Variants in DUSP29 observed in about 807,000 individuals in gnomAD.
DUSP29 encodes the protein dual specificity phosphatase 29.
Under a neutral mutation model 13.5 loss-of-function variants are expected in DUSP29, and 12 were observed. The observed-to-expected ratio is 0.89, with a 90% confidence interval of 0.57 to 1.44. DUSP29 has a LOEUF of 1.44. Ranked by LOEUF, DUSP29 falls within the 40% of genes most tolerant of loss-of-function variation. The pLI, the probability that DUSP29 is intolerant of heterozygous loss-of-function variation, is 0.00. For synonymous variants in DUSP29, 134 were observed against 128.7 expected (o/e 1.04, Z -0.28); for missense variants, 308 against 301.1 (o/e 1.02, Z -0.17).
At chr10:75,048,865 G>T (rs1846762269) in intron 2 of DUSP29, among the ~76,000 whole-genome samples, 1 of 152,212 alleles carries the variant, frequency 6.6e-6, no homozygotes, top group South Asian at 2.1e-4. Context: ...AAAACATAGG[G>T]CTGACAGCTG....
chr10:75,072,728 C>G (rs1315699256), intron 1 of DUSP29, among the ~76,000 whole-genome samples: 2 of 152,058 alleles, frequency 1.3e-5, no homozygotes, highest in African/African-American at 4.8e-5. Context: ...CGTGCCCTTC[C>G]TCCTGTTCGC....
At chr10:75,063,345 C>G (rs944390911) in intron 1 of DUSP29, among the ~76,000 whole-genome samples, 1 of 151,924 alleles carries the variant, frequency 6.6e-6, no homozygotes, top group African/African-American at 2.4e-5. Context: ...GCCTCCTCAG[C>G]TCAAGTCACT....
chr10:75,037,735 A>G lies in DUSP29; in HGVS notation c.*101T>C. ...TGAACAAGATGGTTTGGAAGAGTCG[A>G]GCTTCGGTTTCACCATCCCTTCTCT... On this transcript the variant is annotated 3_prime_UTR_variant, in exon 4 of 4. Coordinates refer to ENST00000338487, the MANE Select transcript of DUSP29 (RefSeq NM_001003892.3). The G allele has an allele frequency of 1.3e-6, 2 of 1,498,300 alleles. No homozygotes were observed. Among genetic ancestry groups the G allele is most frequent in the Admixed American group, 4.2e-5 (2 of 47,630 alleles). 92.8% of individuals were successfully genotyped at this position (1,498,300 alleles called of 1,614,324 possible).
intron 2 of DUSP29, among the ~76,000 whole-genome samples, chr10:75,050,069 G>A (rs1184575487): frequency 6.6e-6 from 1 of 152,212 alleles, no homozygotes; most frequent in Non-Finnish European, 1.5e-5. Context: ...CACCCGCATT[G>A]TGGAGAGGGA....
At position 75,037,816 on chromosome 10, in the gene DUSP29, G is replaced by T; in HGVS notation, c.*20C>A. The T allele has an allele frequency of 6.3e-7, 1 of 1,590,774 alleles. No individual in the cohort carries two copies. Among genetic ancestry groups the T allele is most frequent in the Non-Finnish European group, 8.6e-7 (1 of 1,168,884 alleles). On this transcript the variant is annotated 3_prime_UTR_variant, in exon 4 of 4. Coordinates refer to ENST00000338487, the MANE Select transcript of DUSP29 (RefSeq NM_001003892.3). ...CTCCCCTCTGTCCCCAAGTGCCTCTGCTGGCCCTGTGAGTCGGGCCTACAG... is the reference window on the plus strand; with the variant it reads ...CTCCCCTCTGTCCCCAAGTGCCTCTTCTGGCCCTGTGAGTCGGGCCTACAG...
intron 2 of DUSP29, among the ~76,000 whole-genome samples, chr10:75,048,329 CTT>C (rs530809657): frequency 7.1e-6 from 1 of 140,748 alleles, no homozygotes. Flanking sequence ...ATGCAGTTTA[CTT>C]TTTTTTTTTG....
chr10:75,058,409 G>A lies in DUSP29; in HGVS notation c.106C>T (p.Pro36Ser), dbSNP rs200149899. The A allele has an allele frequency of 1.1e-4, 180 of 1,614,216 alleles. 2 individuals carry two copies. The East Asian group carries it at 3.9e-3, about 35-fold the overall frequency. Reference protein sequence around the residue: ...EEGEEEDYCTPGAFELERLFW... With the variant: ...EEGEEEDYCTSGAFELERLFW... ...AGCCGCTCCAGCTCAAAGGCTCCAG[G>A]GGTGCAGTAGTCCTCCTCCTCCCCT... is the stretch of plus-strand genomic sequence containing the variant. Residue 36 changes from proline to serine, a missense_variant, in exon 2 of 4, where the codon CCT (proline) becomes TCT (serine). Pro to Ser is a moderately conservative substitution (Grantham distance 74). Transcript: ENST00000338487.
intron 1 of DUSP29, among the ~76,000 whole-genome samples, chr10:75,065,168 C>G (rs1289605833): frequency 6.6e-6 from 1 of 152,080 alleles, no homozygotes; most frequent in Non-Finnish European, 1.5e-5. Context: ...TTTAAACAAA[C>G]AAACAAAAAA....
chr10:75,052,998 C>T (rs1846878082), intron 2 of DUSP29, among the ~76,000 whole-genome samples: 1 of 152,248 alleles, frequency 6.6e-6, no homozygotes, highest in African/African-American at 2.4e-5. Context: ...TCTTTTCTCT[C>T]TGCTGCAAGG....
chr10:75,053,238 C>T (rs1055112040), intron 2 of DUSP29, among the ~76,000 whole-genome samples: 1 of 152,224 alleles, frequency 6.6e-6, no homozygotes, highest in African/African-American at 2.4e-5. Flanking sequence ...AAGTGTACCA[C>T]ATTCATCCCC....
chr10:75,057,968 G>C (rs1490070663), intron 2 of DUSP29, among the ~76,000 whole-genome samples: 1 of 152,026 alleles, frequency 6.6e-6, no homozygotes, highest in Non-Finnish European at 1.5e-5. Flanking sequence ...TTGATGGCTG[G>C]GGTCCTGGCG....
chr10:75,043,939 G>T lies in DUSP29; in HGVS notation c.279C>A (p.Asn93Lys). ...HVLNAAHGRWNVDTGPDYYRD... is the reference protein window; with the variant it reads ...HVLNAAHGRWKVDTGPDYYRD... ...GGTAGTAGTCGGGCCCAGTGTCCAC[G>T]TTCCAGCGGCCGTGGGCCGCGTTCA... The change falls in exon 3 of 4, where the codon AAC becomes AAA. Residue 93 changes from asparagine (N) to lysine (K), a missense_variant. Physicochemically the swap from Asn to Lys is moderately conservative, Grantham distance 94 (BLOSUM62 0). Coordinates refer to ENST00000338487, the MANE Select transcript of DUSP29 (RefSeq NM_001003892.3). 6.2e-7 allele frequency: 1 copy of T among 1,613,712 alleles called. No homozygotes were observed. Among genetic ancestry groups the T allele is most frequent in the African/African-American group, 1.3e-5 (1 of 75,056 alleles).
intron 2 of DUSP29, among the ~76,000 whole-genome samples, chr10:75,049,699 G>T (rs942981026): frequency 6.6e-6 from 1 of 152,232 alleles, no homozygotes; most frequent in Non-Finnish European, 1.5e-5. Context: ...ATTCGTGCTC[G>T]GTGCCTTAAG....
At chr10:75,043,682 A>C in intron 3 of DUSP29, 115 bp downstream of exon 3, 1 of 986,726 alleles carries the variant, frequency 1.0e-6, no homozygotes, top group Non-Finnish European at 1.5e-6. Context: ...GGCGGAGCCT[A>C]GGCTAGGGGC....
chr10:75,050,768 C>G lies in DUSP29; in HGVS notation c.201-6751G>C, dbSNP rs937247421. On this transcript the variant is annotated intron_variant, in intron 2 of 3. Coordinates refer to ENST00000338487, the MANE Select transcript of DUSP29 (RefSeq NM_001003892.3). ...AATGAGTGGGGAGTGGGTGGCTACA[C>G]CTTGTGTGAAGAAGACTTCCCCCGA... Among the ~76,000 whole-genome samples the G allele has an allele frequency of 4.6e-5, 7 of 152,364 alleles. 1 individual carries two copies. The South Asian group carries it at 1.0e-3, about 23-fold the overall frequency.
intron 2 of DUSP29, among the ~76,000 whole-genome samples, chr10:75,049,784 G>A (rs1480901311): frequency 2.0e-5 from 3 of 152,132 alleles, no homozygotes; most frequent in African/African-American, 7.2e-5. Context: ...CACTTCCCAG[G>A]CTCTCAACGC....
intron 2 of DUSP29, among the ~76,000 whole-genome samples, chr10:75,047,062 A>G (rs777726901): frequency 3.3e-5 from 5 of 152,196 alleles, no homozygotes; most frequent in South Asian, 2.1e-4. Context: ...TGACACCTCC[A>G]TATCCACCAC....
At chr10:75,060,203 C>T (rs1299287662) in intron 1 of DUSP29, among the ~76,000 whole-genome samples, 1 of 152,108 alleles carries the variant, frequency 6.6e-6, no homozygotes, top group Non-Finnish European at 1.5e-5. Flanking sequence ...GGAGCAGTGG[C>T]TTATGCCTGT....
rs755922933 is a variant in DUSP29, at chr10:75,037,959, G to T, written c.540C>A (p.Asn180Lys). Residue 180 changes from asparagine (N) to lysine (K), a missense_variant, in exon 4 of 4, where the codon AAC becomes AAA. Physicochemically the swap from Asn to Lys is moderately conservative, Grantham distance 94 (BLOSUM62 0). Transcript: ENST00000338487. Reference sequence around the variant, plus strand: ...AGCCCCGGTTCGGGAGGACGCAGCGGTTCTTGGCCACTTGCTGGATGGCGT... The same window carrying T: ...AGCCCCGGTTCGGGAGGACGCAGCGTTTCTTGGCCACTTGCTGGATGGCGT... ...LVDAIQQVAKNRCVLPNRGFL... is the reference protein window; with the variant it reads ...LVDAIQQVAKKRCVLPNRGFL... The T allele has an allele frequency of 6.2e-7, 1 of 1,613,846 alleles. No individual in the cohort carries two copies. The highest frequency in any genetic ancestry group is 1.3e-5 in the African/African-American group (1 of 74,924).
Sources: gnomAD v4.1 joint callset for allele counts (sites outside exome capture counted in the v4.1 genomes callset) on GRCh38, gnomAD v4.1.1 for gene constraint, MANE v1.5 for transcripts, NCBI Gene and HGNC (gene_info 2026-07-23, HGNC 2026-07-21) for gene names.